Variants in VIPR2 observed in about 807,000 individuals in gnomAD.
The protein encoded by VIPR2 is vasoactive intestinal polypeptide receptor 2.
Under a neutral mutation model 58.0 loss-of-function variants are expected in VIPR2, and 48 were observed. That is an observed-to-expected ratio of 0.83 (90% CI 0.66 to 1.05). The LOEUF (loss-of-function observed/expected upper bound fraction) is 1.05, where lower values mean the gene tolerates loss of function less well. Among genes scored for constraint, VIPR2 ranks in the 50% least tolerant of loss-of-function variants. The pLI is 0.00. For missense variants in VIPR2, 534 were observed against 558.0 expected (o/e 0.96, Z 0.43); for synonymous variants, 243 against 235.2 (o/e 1.03, Z -0.30).
At chr7:159,065,721 A>G (rs1856041208) in intron 4 of VIPR2, among the ~76,000 whole-genome samples, 1 of 152,204 alleles carries the variant, frequency 6.6e-6, no homozygotes, top group South Asian at 2.1e-4. Flanking sequence ...GACATCAGGG[A>G]CACAGTTATT....
intron 5 of VIPR2, among the ~76,000 whole-genome samples, chr7:159,050,366 C>T (rs145656128): frequency 1.5e-5 from 2 of 129,696 alleles, no homozygotes; most frequent in Non-Finnish European, 3.3e-5. Flanking sequence ...AAAAAAAAAA[C>T]AAAAAAAAAC....
At chr7:159,034,340 G>A (rs373028260) in intron 9 of VIPR2, 36 bp from the exon 10 acceptor site, 25 of 1,600,878 alleles carry the variant, frequency 1.6e-5, no homozygotes, top group African/African-American at 2.7e-5. Flanking sequence ...AAACAGACAC[G>A]TGGATCCCTA....
At chr7:159,079,856 A>C (rs1287210564) in intron 4 of VIPR2, among the ~76,000 whole-genome samples, 4 of 152,260 alleles carry the variant, frequency 2.6e-5, no homozygotes, top group African/African-American at 9.6e-5. Context: ...CAAATAAACT[A>C]GAAAATCTAG....
chr7:159,058,286 T>A (rs1214057832), intron 5 of VIPR2, among the ~76,000 whole-genome samples, 195 bp downstream of exon 5: 2 of 152,332 alleles, frequency 1.3e-5, no homozygotes, highest in Middle Eastern at 3.4e-3. Context: ...GTCAGCATTA[T>A]CTCTTTACAT....
At chr7:159,123,288 T>TAAAAAAAAAAAAA (rs370294230) in intron 2 of VIPR2, among the ~76,000 whole-genome samples, 1 of 72,884 alleles carries the variant, frequency 1.4e-5, no homozygotes, top group African/African-American at 5.2e-5. Flanking sequence ...CAAGACTCTG[T>TAAAAAAAAAAAAA]AAAAAAAAAA....
At chr7:159,070,680 G>C (rs1303234553) in intron 4 of VIPR2, among the ~76,000 whole-genome samples, 2 of 152,184 alleles carry the variant, frequency 1.3e-5, no homozygotes, top group Non-Finnish European at 2.9e-5. Flanking sequence ...CAATAAATGA[G>C]CTAGAAAGTG....
At position 159,050,560 on chromosome 7, in the gene VIPR2, C is replaced by T. The variant is rs139111065; in HGVS notation, c.456-7384G>A. On this transcript the variant is annotated intron_variant, in intron 5 of 12. Transcript: ENST00000262178. The stretch of plus-strand genomic sequence containing the variant: ...TTAAGAGTTAAATAGAGGGGACTAA[C>T]ATTAATTTAACACAGCAGATGCGAG... 2.0e-4 allele frequency among the ~76,000 whole-genome samples: 31 copies of T among 151,918 alleles called. No homozygotes were observed. The East Asian group carries it at 5.8e-3, about 28-fold the overall frequency.
intron 2 of VIPR2, among the ~76,000 whole-genome samples, chr7:159,131,152 C>T (rs184533550): frequency 6.0e-4 from 92 of 152,254 alleles, no homozygotes; most frequent in African/African-American, 1.8e-3. Context: ...AAGAAGAACA[C>T]GGGGCCCTGC....
At chr7:159,114,805 AAGAG>A (rs749921771) in intron 2 of VIPR2, among the ~76,000 whole-genome samples, 1 of 144,474 alleles carries the variant, frequency 6.9e-6, no homozygotes, top group Non-Finnish European at 1.5e-5. Context: ...AAAGAATAGA[AAGAG>A]AGAGAGGGAG....
intron 3 of VIPR2, among the ~76,000 whole-genome samples, chr7:159,105,203 G>A (rs972374241): frequency 2.0e-5 from 3 of 152,100 alleles, no homozygotes; most frequent in Non-Finnish European, 2.9e-5. Context: ...ACTGAACGCC[G>A]TGCCAGCCTT....
chr7:159,072,517 G>A (rs960187599), intron 4 of VIPR2, among the ~76,000 whole-genome samples: 3 of 152,118 alleles, frequency 2.0e-5, no homozygotes, highest in East Asian at 1.9e-4. Flanking sequence ...AAAAAAGCCT[G>A]AAAAATGATA....
intron 4 of VIPR2, chr7:159,059,205 C>T (rs1483224228): frequency 4.3e-6 from 2 of 470,550 alleles, no homozygotes; most frequent in Non-Finnish European, 8.8e-6. Context: ...AGTTCTATGA[C>T]AACAGGGAAT....
chr7:159,133,416 C>A (rs1233997031), intron 2 of VIPR2, among the ~76,000 whole-genome samples: 3 of 152,294 alleles, frequency 2.0e-5, no homozygotes, highest in African/African-American at 7.2e-5. Context: ...AAAATGCAGG[C>A]ATCTGGGAAA....
intron 2 of VIPR2, among the ~76,000 whole-genome samples, chr7:159,118,248 C>T (rs370985904): frequency 2.0e-5 from 3 of 152,306 alleles, no homozygotes; most frequent in South Asian, 2.1e-4. Context: ...CAATCCTCGC[C>T]GCTTCTGCCC....
chr7:159,126,930 A>G (rs1200058952), intron 2 of VIPR2, among the ~76,000 whole-genome samples: 1 of 152,204 alleles, frequency 6.6e-6, no homozygotes, highest in African/African-American at 2.4e-5. Context: ...TTCTTGCCAG[A>G]AAGGACAGCA....
chr7:159,082,967 T>C (rs1856988925), intron 4 of VIPR2, among the ~76,000 whole-genome samples: 2 of 152,234 alleles, frequency 1.3e-5, no homozygotes, highest in Admixed American at 1.3e-4. Context: ...ATCATCCTCA[T>C]GTAATTACAC....
At chr7:159,045,081 C>T (rs1235338492) in intron 5 of VIPR2, among the ~76,000 whole-genome samples, 1 of 152,076 alleles carries the variant, frequency 6.6e-6, no homozygotes, top group South Asian at 2.1e-4. Context: ...TAGGTTTGAG[C>T]AGGCAAAAGA....
At chr7:159,118,501 C>G (rs1298023703) in intron 2 of VIPR2, among the ~76,000 whole-genome samples, 1 of 152,178 alleles carries the variant, frequency 6.6e-6, no homozygotes, top group Admixed American at 6.5e-5. Flanking sequence ...CCTCCTGATC[C>G]TGCCTCTTCC....
intron 2 of VIPR2, among the ~76,000 whole-genome samples, chr7:159,140,301 G>C (rs1204861854): frequency 2.0e-5 from 3 of 152,140 alleles, no homozygotes; most frequent in Non-Finnish European, 4.4e-5. Flanking sequence ...TTGTCTCGTG[G>C]AGTCACTCAG....
Sources: allele counts gnomAD v4.1 joint callset (sites outside exome capture counted in the v4.1 genomes callset), GRCh38; gene constraint gnomAD v4.1.1; transcripts MANE v1.5; gene names NCBI Gene and HGNC (gene_info 2026-07-23, HGNC 2026-07-21).